Variants in MEIS2 observed in about 807,000 individuals in gnomAD.
MEIS2 encodes the protein Meis homeobox 2, also known as homeobox protein Meis2.
In MEIS2, 9 loss-of-function variants were observed where a neutral mutation model predicts 58.6. The ratio of observed to expected loss-of-function variants is 0.15; its 90% CI spans 0.09 to 0.27. The LOEUF (loss-of-function observed/expected upper bound fraction) is 0.27. MEIS2 is among the 10% of genes least tolerant of loss of function. MEIS2 has a pLI of 1.00. For synonymous variants in MEIS2, 221 were observed against 228.4 expected, an observed-to-expected ratio of 0.97 and a Z score of 0.29; for missense variants, 427 against 635.0, an observed-to-expected ratio of 0.67 and a Z score of 3.52.
At chr15:37,085,586 T>C (rs965092504) in intron 6 of MEIS2, among the ~76,000 whole-genome samples, 2 of 152,214 alleles carry the variant, frequency 1.3e-5, no homozygotes, top group Non-Finnish European at 2.9e-5. Context: ...AACATCTATA[T>C]AAAATAATGA....
intron 9 of MEIS2, among the ~76,000 whole-genome samples, chr15:36,942,570 T>G (rs554504251): frequency 6.6e-6 from 1 of 152,278 alleles, no homozygotes; most frequent in East Asian, 1.9e-4. Context: ...CTACATTTAC[T>G]CATTACCAGA....
intron 9 of MEIS2, chr15:36,896,984 T>C (rs2056211629): frequency 3.4e-6 from 1 of 295,624 alleles, no homozygotes; most frequent in South Asian, 5.4e-5. Context: ...CAAGTAGGAA[T>C]CTGGTTAAAG....
intron 9 of MEIS2, among the ~76,000 whole-genome samples, chr15:36,903,080 T>A (rs1228188801): frequency 1.3e-5 from 2 of 152,200 alleles, no homozygotes; most frequent in Admixed American, 6.5e-5. Flanking sequence ...ACCTTTTAAT[T>A]AAAATATTTG....
chr15:36,930,667 T>A (rs1194445079), intron 9 of MEIS2, among the ~76,000 whole-genome samples: 2 of 148,526 alleles, frequency 1.3e-5, no homozygotes, highest in East Asian at 4.1e-4. Flanking sequence ...GCAAAAAAAA[T>A]GACGAAAGCT....
chr15:36,984,043 T>C (rs945865429), intron 8 of MEIS2, among the ~76,000 whole-genome samples: 35 of 152,134 alleles, frequency 2.3e-4, no homozygotes, highest in Admixed American at 1.4e-3. Flanking sequence ...GGTGGTGTTT[T>C]CGATATATAA....
intron 8 of MEIS2, among the ~76,000 whole-genome samples, chr15:36,995,497 C>G (rs2060444560): frequency 6.6e-6 from 1 of 151,282 alleles, no homozygotes; most frequent in South Asian, 2.1e-4. Context: ...TTTATTTGTT[C>G]TTCAAAAAAG....
intron 6 of MEIS2, among the ~76,000 whole-genome samples, chr15:37,087,018 C>T (rs942369602): frequency 4.6e-5 from 7 of 152,148 alleles, no homozygotes; most frequent in African/African-American, 1.7e-4. Flanking sequence ...AATGGCATGG[C>T]TTTCTGCCAA....
intron 8 of MEIS2, among the ~76,000 whole-genome samples, chr15:36,985,801 T>A (rs1231238758): frequency 2.6e-5 from 4 of 151,568 alleles, no homozygotes; most frequent in African/African-American, 9.7e-5. Flanking sequence ...CAGAGAGGGG[T>A]TTCTGCTCAG....
intron 8 of MEIS2, among the ~76,000 whole-genome samples, chr15:36,964,108 A>C (rs1357514496): frequency 3.9e-5 from 6 of 152,234 alleles, no homozygotes; most frequent in Non-Finnish European, 5.9e-5. Context: ...CTTTTGTAAG[A>C]TAAATAACTT....
At chr15:37,052,321 A>G (rs932349448) in intron 7 of MEIS2, among the ~76,000 whole-genome samples, 1 of 152,204 alleles carries the variant, frequency 6.6e-6, no homozygotes, top group Non-Finnish European at 1.5e-5. Context: ...CTGTATCTCA[A>G]CCACAGGACA....
chr15:37,073,684 T>C (rs1032646793), intron 7 of MEIS2, among the ~76,000 whole-genome samples: 3 of 152,082 alleles, frequency 2.0e-5, no homozygotes, highest in Admixed American at 6.6e-5. Flanking sequence ...ATCAACTTTT[T>C]TTCATCTTTC....
chr15:36,970,965 CTCA>C (rs557717503), intron 8 of MEIS2, among the ~76,000 whole-genome samples: 3 of 152,112 alleles, frequency 2.0e-5, no homozygotes, highest in African/African-American at 4.8e-5. Flanking sequence ...AAAGCAACAT[CTCA>C]TCAACAGATT....
chr15:37,090,843 A>C (rs1401579229), intron 6 of MEIS2, among the ~76,000 whole-genome samples: 3 of 152,168 alleles, frequency 2.0e-5, no homozygotes, highest in African/African-American at 7.2e-5. Context: ...TTCATAGCCA[A>C]TAAGTTGAAA....
intron 8 of MEIS2, among the ~76,000 whole-genome samples, chr15:37,004,555 ATGCCCCATG>A (rs1179650378): frequency 6.6e-6 from 1 of 152,214 alleles, no homozygotes; most frequent in African/African-American, 2.4e-5. Flanking sequence ...ACGTGTCAGC[ATGCCCCATG>A]TGCCCCATGT....
intron 8 of MEIS2, among the ~76,000 whole-genome samples, chr15:36,968,714 G>T (rs764025976): frequency 2.6e-5 from 4 of 152,136 alleles, no homozygotes; most frequent in African/African-American, 9.7e-5. Flanking sequence ...ATTCACTTGT[G>T]CAGTCAAAGG....
chr15:36,981,416 T>C (rs1047774995), intron 8 of MEIS2, among the ~76,000 whole-genome samples: 1 of 152,198 alleles, frequency 6.6e-6, no homozygotes, highest in African/African-American at 2.4e-5. Flanking sequence ...TTTTATTTTT[T>C]ATTTTTTTCC....
chr15:37,046,815 T>G (rs1336463242), intron 7 of MEIS2, among the ~76,000 whole-genome samples: 1 of 140,700 alleles, frequency 7.1e-6, no homozygotes, highest in Non-Finnish European at 1.5e-5. Flanking sequence ...CTTCACTAAA[T>G]GTGGTTATTC....
chr15:36,909,819 G>T (rs1297903403), intron 9 of MEIS2, among the ~76,000 whole-genome samples: 1 of 136,460 alleles, frequency 7.3e-6, no homozygotes, highest in Non-Finnish European at 1.6e-5. Flanking sequence ...AATGAGAACT[G>T]AGATCAATGA....
At chr15:36,970,175 G>A (rs1326447875) in intron 8 of MEIS2, among the ~76,000 whole-genome samples, 9 of 152,086 alleles carry the variant, frequency 5.9e-5, no homozygotes, top group African/African-American at 9.7e-5. Context: ...AGGCCAAGGC[G>A]GGAGGATCAT....
Sources: gnomAD v4.1 joint callset for allele counts (sites outside exome capture counted in the v4.1 genomes callset) on GRCh38, gnomAD v4.1.1 for gene constraint, MANE v1.5 for transcripts, NCBI Gene and HGNC (gene_info 2026-07-23, HGNC 2026-07-21) for gene names.